ADAMTS2: variants seen among roughly 807,000 people sequenced by gnomAD.
ADAMTS2 encodes A disintegrin and metalloproteinase with thrombospondin motifs 2.
A neutral mutation model predicts 123.0 loss-of-function variants in ADAMTS2; 50 were observed. The observed-to-expected ratio is 0.41, with a 90% CI of 0.32 to 0.51. ADAMTS2 has a LOEUF of 0.51. ADAMTS2 is among the 20% of genes least tolerant of loss of function. ADAMTS2 has a pLI of 0.35. For synonymous variants in ADAMTS2, 678 were observed against 695.4 expected (o/e 0.98, Z 0.39); for missense variants, 1,494 against 1,705.2 (o/e 0.88, Z 2.18).
intron 3 of ADAMTS2, among the ~76,000 whole-genome samples, chr5:179,230,076 T>A (rs1226230086): frequency 2.0e-5 from 3 of 152,226 alleles, no homozygotes; most frequent in African/African-American, 7.2e-5. Context: ...GAAAACACTA[T>A]AATCAAATCC....
chr5:179,284,636 C>G (rs1755965812), intron 2 of ADAMTS2, among the ~76,000 whole-genome samples: 1 of 152,212 alleles, frequency 6.6e-6, no homozygotes, highest in African/African-American at 2.4e-5. Flanking sequence ...ATCCGCCCAC[C>G]TCGGCCTCCC....
intron 12 of ADAMTS2, among the ~76,000 whole-genome samples, chr5:179,136,681 A>C (rs1218525185): frequency 6.7e-6 from 1 of 148,906 alleles, no homozygotes; most frequent in East Asian, 2.0e-4. Context: ...CAAAAAAAAA[A>C]AAAAAAAGGC....
chr5:179,236,608 T>C (rs1438748672), intron 3 of ADAMTS2, among the ~76,000 whole-genome samples: 2 of 152,082 alleles, frequency 1.3e-5, no homozygotes, highest in African/African-American at 2.4e-5. Flanking sequence ...CTGGGCAATA[T>C]GGTAAAACCC....
chr5:179,322,334 T>C (rs1383856906), intron 2 of ADAMTS2, among the ~76,000 whole-genome samples: 2 of 152,156 alleles, frequency 1.3e-5, no homozygotes, highest in Non-Finnish European at 2.9e-5. Context: ...GAATCAGTCC[T>C]CACGGGGCCA....
intron 4 of ADAMTS2, among the ~76,000 whole-genome samples, chr5:179,205,581 C>T (rs977387036): frequency 1.8e-4 from 28 of 152,174 alleles, no homozygotes; most frequent in African/African-American, 6.3e-4. Context: ...GGTTGGAAGG[C>T]GACATAATGC....
intron 3 of ADAMTS2, among the ~76,000 whole-genome samples, chr5:179,257,215 G>A (rs912696553): frequency 2.0e-5 from 3 of 152,244 alleles, no homozygotes; most frequent in African/African-American, 7.2e-5. Context: ...CTTTGTCCTC[G>A]TGGTGATGAA....
chr5:179,319,134 C>T lies in ADAMTS2; in HGVS notation c.534+24633G>A, dbSNP rs540826825. On this transcript the variant is annotated intron_variant, in intron 2 of 21. Coordinates refer to ENST00000251582, the MANE Select transcript of ADAMTS2 (RefSeq NM_014244.5). Reference sequence around the variant, plus strand: ...ATGCACCCACATACAAATGTCCATACGCATCACATGCACCACGTGTGCACT... The same window carrying T: ...ATGCACCCACATACAAATGTCCATATGCATCACATGCACCACGTGTGCACT... Among the ~76,000 whole-genome samples, 3 of 152,258 alleles carry T rather than the reference C, an allele frequency of 2.0e-5. No homozygotes were observed. In the South Asian group the frequency reaches 6.2e-4, roughly 32 times the overall value.
At chr5:179,319,746 T>C (rs1276578477) in intron 2 of ADAMTS2, among the ~76,000 whole-genome samples, 1 of 151,504 alleles carries the variant, frequency 6.6e-6, no homozygotes, top group African/African-American at 2.4e-5. Flanking sequence ...CAAAAAGCTG[T>C]GACCCTCTTT....
intron 2 of ADAMTS2, among the ~76,000 whole-genome samples, chr5:179,298,000 A>C (rs939584064): frequency 1.3e-5 from 2 of 151,098 alleles, no homozygotes; most frequent in East Asian, 3.9e-4. Context: ...CCTCCTCCCC[A>C]GGGCCCCGGG....
At chr5:179,153,013 G>A (rs1763390762) in intron 9 of ADAMTS2, among the ~76,000 whole-genome samples, 1 of 152,242 alleles carries the variant, frequency 6.6e-6, no homozygotes, top group South Asian at 2.1e-4. Flanking sequence ...CTCCCACAGT[G>A]TGGCCTCCAT....
At chr5:179,258,722 A>C (rs1766134998) in intron 3 of ADAMTS2, among the ~76,000 whole-genome samples, 1 of 152,142 alleles carries the variant, frequency 6.6e-6, no homozygotes, top group Non-Finnish European at 1.5e-5. Flanking sequence ...AGAGGAAATG[A>C]TTCTAGCGAG....
chr5:179,131,791 G>A (rs1358910864), intron 15 of ADAMTS2, among the ~76,000 whole-genome samples: 2 of 152,158 alleles, frequency 1.3e-5, no homozygotes, highest in African/African-American at 2.4e-5. Context: ...AAAATTAAAC[G>A]AATTGAAAAT....
intron 3 of ADAMTS2, among the ~76,000 whole-genome samples, chr5:179,238,500 G>A (rs559716028): frequency 6.6e-6 from 1 of 152,222 alleles, no homozygotes; most frequent in South Asian, 2.1e-4. Flanking sequence ...GGTGGTGCGG[G>A]GGGAGCTGTC....
intron 2 of ADAMTS2, among the ~76,000 whole-genome samples, chr5:179,330,858 C>T (rs531234038): frequency 5.9e-5 from 9 of 152,350 alleles, no homozygotes; most frequent in Admixed American, 3.9e-4. Flanking sequence ...AGGGACTCAG[C>T]CTTGACCTTG....
intron 2 of ADAMTS2, among the ~76,000 whole-genome samples, chr5:179,333,596 G>GTTTTTTTTT (rs1219136980): frequency 1.5e-4 from 16 of 105,958 alleles, no homozygotes; most frequent in East Asian, 2.9e-4. Flanking sequence ...GTTTTTTTCT[G>GTTTTTTTTT]TTTTTTTTTT....
At chr5:179,304,307 C>T (rs1182489269) in intron 2 of ADAMTS2, among the ~76,000 whole-genome samples, 5 of 152,192 alleles carry the variant, frequency 3.3e-5, no homozygotes, top group Non-Finnish European at 1.5e-5. Context: ...TCCAAAATTA[C>T]TTGGCATACC....
At chr5:179,215,842 A>G (rs1010558531) in intron 3 of ADAMTS2, among the ~76,000 whole-genome samples, 1 of 152,234 alleles carries the variant, frequency 6.6e-6, no homozygotes, top group Non-Finnish European at 1.5e-5. Flanking sequence ...CAGAGTTCTC[A>G]AAAGCAGCAT....
intron 3 of ADAMTS2, among the ~76,000 whole-genome samples, chr5:179,217,183 T>C (rs1449207458): frequency 1.3e-5 from 2 of 152,216 alleles, no homozygotes; most frequent in Non-Finnish European, 2.9e-5. Flanking sequence ...TCCCACAAAG[T>C]GCTACCAAGG....
intron 3 of ADAMTS2, among the ~76,000 whole-genome samples, chr5:179,216,905 G>A (rs148289167): frequency 2.0e-3 from 307 of 152,344 alleles, no homozygotes; most frequent in Non-Finnish European, 3.4e-3. Flanking sequence ...CACTACTGAG[G>A]GGATCATGAG....
Sources: allele counts gnomAD v4.1 joint callset (sites outside exome capture counted in the v4.1 genomes callset), GRCh38; gene constraint gnomAD v4.1.1; transcripts MANE v1.5; gene names NCBI Gene and HGNC (gene_info 2026-07-23, HGNC 2026-07-21).